The following GLI2 variants were observed in gnomAD, a reference collection of about 807,000 sequenced individuals.
The protein encoded by GLI2 is transcription activator GLI2.
GLI2 carries 22 observed loss-of-function variants against 78.9 expected under a neutral mutation model. That is an observed-to-expected ratio of 0.28 (90% CI 0.20 to 0.40). The LOEUF is 0.40. Among genes scored for constraint, GLI2 ranks in the 10% least tolerant of loss-of-function variants. The pLI, the probability that GLI2 is intolerant of heterozygous loss-of-function variation, is 1.00. For missense variants in GLI2, 2,097 were observed against 2,213.2 expected, an observed-to-expected ratio of 0.95 and a Z score of 1.05; for synonymous variants, 974 against 963.7, an observed-to-expected ratio of 1.01 and a Z score of -0.20.
chr2:120,892,687 T>G (rs1677739341), intron 2 of GLI2, among the ~76,000 whole-genome samples: 1 of 152,204 alleles, frequency 6.6e-6, no homozygotes, highest in South Asian at 2.1e-4. Flanking sequence ...TTAACAAATG[T>G]CTATGGCAGA....
At chr2:120,958,082 C>T (rs1012773653) in intron 5 of GLI2, among the ~76,000 whole-genome samples, 4 of 152,190 alleles carry the variant, frequency 2.6e-5, no homozygotes, top group African/African-American at 9.6e-5. Flanking sequence ...CAGCGAGCTC[C>T]AGGGCAGGCC....
intron 3 of GLI2, among the ~76,000 whole-genome samples, chr2:120,943,326 A>G (rs539015378): frequency 4.6e-5 from 7 of 152,296 alleles, no homozygotes; most frequent in Admixed American, 3.9e-4. Context: ...AGGTGCAGAC[A>G]TCAAAGGGCA....
At position 120,988,819 on chromosome 2, in the gene GLI2, G is replaced by GCCAGCGACCCTGTGCGGCGGC; in HGVS notation, c.2857_2877dup (p.Ser953_Pro959dup). The GCCAGCGACCCTGTGCGGCGGC allele has an allele frequency of 6.9e-7, 1 of 1,438,916 alleles. No homozygotes were observed. Among genetic ancestry groups the GCCAGCGACCCTGTGCGGCGGC allele is most frequent in the Non-Finnish European group, 9.1e-7 (1 of 1,096,484 alleles). 89.1% of individuals were successfully genotyped at this position (1,438,916 alleles called of 1,614,324 possible). On this transcript the variant is annotated inframe_insertion, in exon 14 of 14. Coordinates refer to ENST00000361492, the MANE Select transcript of GLI2 (RefSeq NM_001374353.1). ...GGCTCCAGGCGGCGGAGCCAGGCGG[G>GCCAGCGACCCTGTGCGGCGGC]CCAGCGACCCTGTGCGGCGGCCCGA...
At position 120,978,500 on chromosome 2, in the gene GLI2, C is replaced by T. The variant is rs121917708; in HGVS notation, c.1384C>T (p.Arg462Trp). 7 of 1,614,110 alleles carry T rather than the reference C, an allele frequency of 4.3e-6. No individual in the cohort carries two copies. Among genetic ancestry groups the T allele is most frequent in the Admixed American group, 1.7e-5 (1 of 60,024 alleles). Residue 462 changes from arginine to tryptophan, a missense_variant, in exon 10 of 14, where the codon CGG becomes TGG. Physicochemically the swap from Arg to Trp is moderately radical, Grantham distance 101 (BLOSUM62 -3). This residue lies in a region of GLI2 where 104 missense variants were observed against 190.6 expected (regional missense o/e 0.55). Coordinates refer to ENST00000361492, the MANE Select transcript of GLI2 (RefSeq NM_001374353.1). Reference protein sequence around the residue: ...EFVCRWQACTREQKPFKAQYM... With the variant: ...EFVCRWQACTWEQKPFKAQYM... Reference sequence around the variant, plus strand: ...TGTGTGCCGCTGGCAGGCCTGCACGCGGGAGCAGAAGCCCTTCAAGGCGCA... The same window carrying T: ...TGTGTGCCGCTGGCAGGCCTGCACGTGGGAGCAGAAGCCCTTCAAGGCGCA...
chr2:120,742,809 CGAAT>C (rs1364869063), intron 1 of GLI2, among the ~76,000 whole-genome samples: 5 of 152,022 alleles, frequency 3.3e-5, no homozygotes, highest in Non-Finnish European at 5.9e-5. Flanking sequence ...TAGAATGTGA[CGAAT>C]TTGTTTTAGC....
intron 2 of GLI2, among the ~76,000 whole-genome samples, chr2:120,837,613 C>A (rs1300344247): frequency 6.6e-6 from 1 of 152,066 alleles, no homozygotes; most frequent in Non-Finnish European, 1.5e-5. Flanking sequence ...TTCTCCTATT[C>A]TAAAATTTAA....
chr2:120,784,543 G>A (rs1215592172), intron 1 of GLI2, among the ~76,000 whole-genome samples: 1 of 152,104 alleles, frequency 6.6e-6, no homozygotes, highest in Non-Finnish European at 1.5e-5. Flanking sequence ...TGGGGGCCCA[G>A]ATAAGGAGTT....
At chr2:120,953,782 T>G (rs1429095651) in intron 4 of GLI2, among the ~76,000 whole-genome samples, 1 of 152,074 alleles carries the variant, frequency 6.6e-6, no homozygotes, top group Non-Finnish European at 1.5e-5. Flanking sequence ...GCCCAGGACT[T>G]CAAGCCTGCA....
chr2:120,861,659 C>T (rs1687909830), intron 2 of GLI2, among the ~76,000 whole-genome samples: 1 of 152,240 alleles, frequency 6.6e-6, no homozygotes, highest in Non-Finnish European at 1.5e-5. Flanking sequence ...CCGTGGCATT[C>T]TCCCAGCTCG....
At chr2:120,856,485 C>T (rs904541134) in intron 2 of GLI2, among the ~76,000 whole-genome samples, 2 of 152,192 alleles carry the variant, frequency 1.3e-5, no homozygotes, top group African/African-American at 2.4e-5. Flanking sequence ...ATGGGGTTCT[C>T]ACCATCATGG....
intron 2 of GLI2, among the ~76,000 whole-genome samples, chr2:120,808,384 GT>G (rs1190597555): frequency 4.6e-5 from 7 of 152,170 alleles, no homozygotes; most frequent in Non-Finnish European, 1.0e-4. Context: ...AAAGGCCCCT[GT>G]TGTCCATCAT....
rs377503122 is a variant in GLI2 at position 120,989,612 on chromosome 2, A to G, written c.3647A>G (p.Gln1216Arg). 88 of 1,612,718 alleles carry G rather than the reference A, an allele frequency of 5.5e-5. No individual in the cohort carries two copies. Among genetic ancestry groups the G allele is most frequent in the Non-Finnish European group, 7.3e-5 (86 of 1,179,872 alleles). The stretch of plus-strand genomic sequence containing the variant: ...CTGCGACAGCCAGTGGCAGGCAGCC[A>G]GTGTCCTGGCATGACTACCACTATG... ...QQLRQPVAGS[Q>R]CPGMTTTMSP... Residue 1216 changes from glutamine (Q) to arginine (R), a missense_variant, in exon 14 of 14, where the codon CAG (glutamine) becomes CGG (arginine). Transcript: ENST00000361492.
intron 3 of GLI2, among the ~76,000 whole-genome samples, chr2:120,949,971 A>C (rs1450970991): frequency 6.6e-6 from 1 of 152,202 alleles, no homozygotes. Context: ...GGCCTTTCAC[A>C]CGTCCAGCAT....
At chr2:120,834,779 C>G (rs2104775671) in intron 2 of GLI2, among the ~76,000 whole-genome samples, 1 of 152,262 alleles carries the variant, frequency 6.6e-6, no homozygotes, top group African/African-American at 2.4e-5. Flanking sequence ...ACCGTGTCAT[C>G]CAAGTCATCA....
At chr2:120,835,193 T>A (rs1441935806) in intron 2 of GLI2, among the ~76,000 whole-genome samples, 1 of 152,022 alleles carries the variant, frequency 6.6e-6, no homozygotes, top group Non-Finnish European at 1.5e-5. Flanking sequence ...CTGTACTCAT[T>A]TGATAGACAA....
chr2:120,901,942 T>A (rs1217976179), intron 2 of GLI2, among the ~76,000 whole-genome samples: 1 of 152,224 alleles, frequency 6.6e-6, no homozygotes, highest in Non-Finnish European at 1.5e-5. Context: ...AAAATCGTAT[T>A]AATTTGCAGG....
rs565502990 is a variant in GLI2, at chr2:120,822,051, C to T, written c.148+24583C>T. Among the ~76,000 whole-genome samples the T allele has an allele frequency of 7.9e-5, 12 of 152,360 alleles. No individual in the cohort carries two copies. The East Asian group carries it at 1.3e-3, about 17-fold the overall frequency. On this transcript the variant is annotated intron_variant, in intron 2 of 13. Coordinates refer to ENST00000361492, the MANE Select transcript of GLI2 (RefSeq NM_001374353.1). ...GAGGTGAGGCTGTGGTGGCTAAGAC[C>T]GGGCGGTGGGCCGAGTTCATGTTCC...
At chr2:120,988,132 G>C (rs1391147132) in intron 13 of GLI2, 76 bp from the exon 14 acceptor site, 24 of 1,342,862 alleles carry the variant, frequency 1.8e-5, no homozygotes, top group Non-Finnish European at 2.3e-5. Flanking sequence ...TCCAGGCCCA[G>C]TGCGATGACT....
intron 2 of GLI2, among the ~76,000 whole-genome samples, chr2:120,801,712 C>T (rs953293841): frequency 5.9e-5 from 9 of 152,136 alleles, no homozygotes; most frequent in African/African-American, 1.9e-4. Context: ...TGGGAGGCCC[C>T]AGCCGGAAAG....
Sources: allele counts gnomAD v4.1 joint callset (sites outside exome capture counted in the v4.1 genomes callset), GRCh38; gene constraint gnomAD v4.1.1; regional missense constraint gnomAD v4.1.1; transcripts MANE v1.5; gene names NCBI Gene and HGNC (gene_info 2026-07-23, HGNC 2026-07-21).